ZBTB26: variants seen among roughly 807,000 people sequenced by gnomAD.
The protein encoded by ZBTB26 is zinc finger and BTB domain containing 26.
A neutral mutation model predicts 31.6 loss-of-function variants in ZBTB26; 12 were observed. The observed-to-expected ratio is 0.38, with a 90% confidence interval of 0.24 to 0.61. The LOEUF (loss-of-function observed/expected upper bound fraction) is 0.61, where lower values mean the gene tolerates loss of function less well. ZBTB26 is among the 20% of genes least tolerant of loss of function. The pLI, the probability that ZBTB26 is intolerant of heterozygous loss-of-function variation, is 0.60. For missense variants in ZBTB26, 311 were observed against 521.9 expected (o/e 0.60, Z 3.94); for synonymous variants, 155 against 182.9 (o/e 0.85, Z 1.23).
chr9:122,915,976 A>C lies in ZBTB26; in HGVS notation c.*2633T>G, dbSNP rs1280021772. On this transcript the variant is annotated 3_prime_UTR_variant, in exon 2 of 2. Transcript: ENST00000373656. ...CTCTACAGAAATATGACTAGTTTTG[A>C]AAGTCATCTTCCTCTGTAAAATACT... is the stretch of plus-strand genomic sequence containing the variant. 2 of 152,236 alleles carry C rather than the reference A, an allele frequency of 1.3e-5. No individual in the cohort carries two copies. Among genetic ancestry groups the C allele is most frequent in the Non-Finnish European group, 2.9e-5 (2 of 68,036 alleles). 9.4% of individuals were successfully genotyped at this position (152,236 alleles called of 1,614,324 possible).
intron 1 of ZBTB26, among the ~76,000 whole-genome samples, chr9:122,920,704 C>G (rs1043373358): frequency 6.6e-6 from 1 of 152,218 alleles, no homozygotes; most frequent in Non-Finnish European, 1.5e-5. Flanking sequence ...TTTTAAGGAA[C>G]ACTTCTTTAT....
In ZBTB26 at chr9:122,917,655, CTT is replaced by C. The variant is rs1833032180; in HGVS notation, c.*952_*953del. 1 of 152,246 alleles carries C rather than the reference CTT, an allele frequency of 6.6e-6. No individual in the cohort carries two copies. Among genetic ancestry groups the C allele is most frequent in the South Asian group, 2.1e-4 (1 of 4,822 alleles). The allele number at this position is 152,246 out of a possible 1,614,324, so 9.4% of individuals were successfully genotyped here. On this transcript the variant is annotated 3_prime_UTR_variant, in exon 2 of 2. Transcript: ENST00000373656. ...ACATGAGGAAACGAAAATTCAGAGA[CTT>C]TTATGGTGCACAGGACAAAACTCTG...
At position 122,915,891 on chromosome 9, in the gene ZBTB26, T is replaced by A. The variant is rs981997016; in HGVS notation, c.*2718A>T. ...TGGTAGAGAGTCATCTCCTTTTTAG[T>A]TCTCCTGGGGATCCATAAAATACAA... is the stretch of plus-strand genomic sequence containing the variant. On this transcript the variant is annotated 3_prime_UTR_variant, in exon 2 of 2. Transcript: ENST00000373656. 3 of 152,226 alleles carry A rather than the reference T, an allele frequency of 2.0e-5. No individual in the cohort carries two copies. The highest frequency in any genetic ancestry group is 7.2e-5 in the African/African-American group (3 of 41,450). 9.4% of individuals were successfully genotyped at this position (152,226 alleles called of 1,614,324 possible). A position where few individuals can be genotyped will look rare whatever the true frequency, so the allele number is the denominator to read the frequency against.
intron 1 of ZBTB26, among the ~76,000 whole-genome samples, chr9:122,926,335 T>C (rs1011553580): frequency 2.0e-5 from 3 of 151,634 alleles, no homozygotes; most frequent in African/African-American, 7.3e-5. Flanking sequence ...ACCCCGTGTC[T>C]ACTAAAACTA....
Position 122,918,679 on chromosome 9 carries a change from T to C in ZBTB26, c.1256A>G (p.Gln419Arg). 1 of 1,614,218 alleles carries C rather than the reference T, an allele frequency of 6.2e-7. No individual in the cohort carries two copies. The highest frequency in any genetic ancestry group is 8.5e-7 in the Non-Finnish European group (1 of 1,180,024). ...GGCCAGTTTACCTGCATCCAGGACC[T>C]GTGTTGCATCGGGTTGTGGCTGACA... ...KGCQPQPDAT[Q>R]VLDAGKLAQA... Residue 419 changes from glutamine to arginine, a missense_variant, in exon 2 of 2, where the codon CAG (glutamine) becomes CGG (arginine). Gln to Arg is a conservative substitution (Grantham distance 43, BLOSUM62 1). This residue lies in a region of ZBTB26 where 49 missense variants were observed against 66.0 expected (regional missense o/e 0.74). Transcript: ENST00000373656.
intron 1 of ZBTB26, among the ~76,000 whole-genome samples, chr9:122,923,568 C>G (rs1391114178): frequency 6.6e-6 from 1 of 152,136 alleles, no homozygotes; most frequent in Non-Finnish European, 1.5e-5. Flanking sequence ...AATTTGTAAC[C>G]AGAGTTGTAA....
Position 122,918,396 on chromosome 9 carries a change from A to G in ZBTB26, c.*213T>C. On this transcript the variant is annotated 3_prime_UTR_variant, in exon 2 of 2. Transcript: ENST00000373656. Reference sequence around the variant, plus strand: ...CTTGGGAAAGGAAAACAGACTTTACAAGATAAATAACTCAAAACAGAAAAT... The same window carrying G: ...CTTGGGAAAGGAAAACAGACTTTACGAGATAAATAACTCAAAACAGAAAAT... 1.7e-6 allele frequency: 1 copy of G among 594,628 alleles called. No homozygotes were observed. The highest frequency in any genetic ancestry group is 3.0e-5 in the East Asian group (1 of 32,978). The allele number at this position is 594,628 out of a possible 1,614,324, so 36.8% of individuals were successfully genotyped here.
At position 122,930,230 on chromosome 9, in the gene ZBTB26, A is replaced by G. The variant is rs142495164; in HGVS notation, c.-11+1207T>C. Among the ~76,000 whole-genome samples, 895 of 152,328 alleles carry G rather than the reference A, an allele frequency of 5.9e-3. 9 individuals carry two copies. Among genetic ancestry groups the G allele is most frequent in the African/African-American group, 0.021 (865 of 41,560 alleles). On this transcript the variant is annotated intron_variant, in intron 1 of 1. Transcript: ENST00000373656. ...TGTCCAAAAAATGAATTCATAATCT[A>G]CACTAAGCTTATGGCTTTATTTCTG...
At position 122,918,677 on chromosome 9, in the gene ZBTB26, C is replaced by T. The variant is rs2131534340; in HGVS notation, c.1258G>A (p.Val420Ile). Residue 420 changes from valine (V) to isoleucine (I), a missense_variant, in exon 2 of 2, where the codon GTC becomes ATC. Transcript: ENST00000373656. ...TGGGCCAGTTTACCTGCATCCAGGA[C>T]CTGTGTTGCATCGGGTTGTGGCTGA... ...GCQPQPDATQ[V>I]LDAGKLAQAV... 2.5e-6 allele frequency: 4 copies of T among 1,614,220 alleles called. No homozygotes were observed. Among genetic ancestry groups the T allele is most frequent in the Non-Finnish European group, 3.4e-6 (4 of 1,180,022 alleles).
chr9:122,920,159 A>C (rs918685775), intron 1 of ZBTB26, among the ~76,000 whole-genome samples: 12 of 152,216 alleles, frequency 7.9e-5, no homozygotes, highest in Admixed American at 5.2e-4. Flanking sequence ...CCTAAAGAGC[A>C]GACTTGTATT....
intron 1 of ZBTB26, among the ~76,000 whole-genome samples, chr9:122,920,196 A>G (rs1484017327): frequency 6.6e-6 from 1 of 152,242 alleles, no homozygotes; most frequent in Non-Finnish European, 1.5e-5. Flanking sequence ...CATTCGTTCA[A>G]CTTTTAAAGA....
At position 122,919,218 on chromosome 9, in the gene ZBTB26, A is replaced by C; in HGVS notation, c.717T>G (p.Asn239Lys). Residue 239 changes from asparagine to lysine, a missense_variant, in exon 2 of 2, where the codon AAT becomes AAG. Asn to Lys is a moderately conservative substitution (Grantham distance 94). This residue lies in a region of ZBTB26 where 207 missense variants were observed against 298.6 expected (regional missense o/e 0.69). Coordinates refer to ENST00000373656, the MANE Select transcript of ZBTB26 (RefSeq NM_020924.4). The surrounding 1 kb of genome is among the most constrained non-coding windows in gnomAD (Gnocchi z 6.1). The part of the protein sequence containing the change: ...VSEIEQNHLH[N>K]YALSYTGSDN... ...CACTGCCTGTATAAGAAAGGGCATA[A>C]TTGTGGAGATGGTTTTGTTCTATTT... is the stretch of plus-strand genomic sequence containing the variant. The C allele has an allele frequency of 6.2e-7, 1 of 1,614,206 alleles. No individual in the cohort carries two copies. The highest frequency in any genetic ancestry group is 1.1e-5 in the South Asian group (1 of 91,078).
At position 122,919,227 on chromosome 9, in the gene ZBTB26, A is replaced by G. The variant is rs993406735; in HGVS notation, c.708T>C (p.His236=). The G allele has an allele frequency of 1.2e-6, 2 of 1,614,042 alleles. No individual in the cohort carries two copies. The highest frequency in any genetic ancestry group is 1.3e-5 in the African/African-American group (1 of 74,912). Residue 236 remains histidine, a synonymous_variant, in exon 2 of 2, where the codon CAT becomes CAC. Transcript: ENST00000373656. The surrounding 1 kb of genome is among the most constrained non-coding windows in gnomAD (Gnocchi z 6.1). ...ENRVSEIEQN[H]LHNYALSYTG... ...TATAAGAAAGGGCATAATTGTGGAG[A>G]TGGTTTTGTTCTATTTCACTTACTC... is the stretch of plus-strand genomic sequence containing the variant.
In ZBTB26 at chr9:122,926,648, T is replaced by C. The variant is rs114753787; in HGVS notation, c.-11+4789A>G. Reference sequence around the variant, plus strand: ...GTTTTTGTTATGCTTCAAAAAAAGGTTTATGTTTAAAAACAAGTTATAACT... The same window carrying C: ...GTTTTTGTTATGCTTCAAAAAAAGGCTTATGTTTAAAAACAAGTTATAACT... On this transcript the variant is annotated intron_variant, in intron 1 of 1. Coordinates refer to ENST00000373656, the MANE Select transcript of ZBTB26 (RefSeq NM_020924.4). Among the ~76,000 whole-genome samples the C allele has an allele frequency of 2.9e-3, 445 of 152,290 alleles. 2 individuals are homozygous for C. The highest frequency in any genetic ancestry group is 0.01 in the African/African-American group (421 of 41,566).
chr9:122,929,125 C>T (rs769412767), intron 1 of ZBTB26, among the ~76,000 whole-genome samples: 1 of 152,110 alleles, frequency 6.6e-6, no homozygotes, highest in Non-Finnish European at 1.5e-5. Flanking sequence ...GATCATGAGT[C>T]TGGTCTTGAG....
intron 1 of ZBTB26, among the ~76,000 whole-genome samples, chr9:122,927,004 A>C (rs1347821118): frequency 6.6e-6 from 1 of 152,248 alleles, no homozygotes; most frequent in Non-Finnish European, 1.5e-5. Flanking sequence ...ACTGAAGGAA[A>C]GTAAAGAACT....
chr9:122,922,690 T>G (rs931763999), intron 1 of ZBTB26, among the ~76,000 whole-genome samples: 3 of 152,132 alleles, frequency 2.0e-5, no homozygotes, highest in Non-Finnish European at 2.9e-5. Context: ...AGAACTGTTG[T>G]TAGGAAGACC....
At chr9:122,928,290 ATTC>A (rs370486681) in intron 1 of ZBTB26, among the ~76,000 whole-genome samples, 2,602 of 151,396 alleles carry the variant, frequency 0.017, 82 homozygotes, top group African/African-American at 0.06. Context: ...TATAGATTTA[ATTC>A]TTCTTTTGAT....
At chr9:122,927,024 G>C (rs1280288522) in intron 1 of ZBTB26, among the ~76,000 whole-genome samples, 1 of 152,208 alleles carries the variant, frequency 6.6e-6, no homozygotes, top group Non-Finnish European at 1.5e-5. Flanking sequence ...TGATCAGGTA[G>C]ATCAGAGACA....
Sources: allele counts gnomAD v4.1 joint callset (sites outside exome capture counted in the v4.1 genomes callset), GRCh38; gene constraint gnomAD v4.1.1; regional missense constraint gnomAD v4.1.1; non-coding constraint Gnocchi (gnomAD v3.1); transcripts MANE v1.5; gene names NCBI Gene and HGNC (gene_info 2026-07-23, HGNC 2026-07-21).